GHR: variants seen among roughly 807,000 people sequenced by gnomAD.
The protein encoded by GHR is growth hormone receptor.
A neutral mutation model predicts 67.1 loss-of-function variants in GHR; 35 were observed. The ratio of observed to expected loss-of-function variants is 0.52; its 90% CI spans 0.40 to 0.69. The LOEUF is 0.69. GHR is among the 30% of genes least tolerant of loss of function. The pLI is 0.00. For synonymous variants in GHR, 272 were observed against 269.1 expected, an observed-to-expected ratio of 1.01 and a Z score of -0.10; for missense variants, 792 against 764.6, an observed-to-expected ratio of 1.04 and a Z score of -0.42.
intron 3 of GHR, among the ~76,000 whole-genome samples, chr5:42,659,911 T>A (rs1323138960): frequency 6.6e-6 from 1 of 152,100 alleles, no homozygotes; most frequent in African/African-American, 2.4e-5. Flanking sequence ...ACCCTAATAC[T>A]GCGCTTTTCT....
chr5:42,576,530 G>A (rs922406911), intron 2 of GHR, among the ~76,000 whole-genome samples: 12 of 152,112 alleles, frequency 7.9e-5, no homozygotes, highest in African/African-American at 2.9e-4. Flanking sequence ...CAAGCCCTGA[G>A]GGCTGAATAA....
chr5:42,429,976 T>C (rs150823652), intron 1 of GHR, among the ~76,000 whole-genome samples: 40 of 152,334 alleles, frequency 2.6e-4, no homozygotes, highest in African/African-American at 9.1e-4. Flanking sequence ...AGATACTTCC[T>C]TGGGCAACTG....
intron 1 of GHR, among the ~76,000 whole-genome samples, chr5:42,453,039 T>C (rs1021846905): frequency 6.7e-6 from 1 of 149,780 alleles, no homozygotes; most frequent in Non-Finnish European, 1.5e-5. Flanking sequence ...TAAAATTGTT[T>C]TTGTGGACTG....
chr5:42,508,249 T>C (rs1746860628), intron 1 of GHR, among the ~76,000 whole-genome samples: 1 of 152,108 alleles, frequency 6.6e-6, no homozygotes, highest in Admixed American at 6.5e-5. Flanking sequence ...GTCTGATAGC[T>C]CACCAAAGGG....
intron 1 of GHR, chr5:42,513,992 A>G (rs981712282): frequency 2.7e-6 from 1 of 367,016 alleles, no homozygotes; most frequent in South Asian, 1.1e-4. Context: ...TTCTATCCTG[A>G]AGGTCTTTGA....
At chr5:42,506,885 T>C (rs952195739) in intron 1 of GHR, among the ~76,000 whole-genome samples, 7 of 152,202 alleles carry the variant, frequency 4.6e-5, no homozygotes, top group Non-Finnish European at 7.4e-5. Flanking sequence ...CAGTTGATTA[T>C]TAAGCAAATT....
At chr5:42,599,843 G>C (rs1185474669) in intron 2 of GHR, among the ~76,000 whole-genome samples, 6 of 152,278 alleles carry the variant, frequency 3.9e-5, no homozygotes, top group Middle Eastern at 3.4e-3. Context: ...TTAAGTAGCT[G>C]CTGCCCCTTT....
chr5:42,610,211 G>A (rs1228564430), intron 2 of GHR, among the ~76,000 whole-genome samples: 1 of 152,172 alleles, frequency 6.6e-6, no homozygotes, highest in Non-Finnish European at 1.5e-5. Flanking sequence ...TGGATGCCAA[G>A]ACTAGCTGTG....
At chr5:42,670,997 C>G (rs1188247998) in intron 3 of GHR, among the ~76,000 whole-genome samples, 1 of 151,862 alleles carries the variant, frequency 6.6e-6, no homozygotes, top group Non-Finnish European at 1.5e-5. Flanking sequence ...AGGCCAACAT[C>G]TCTGATGAAC....
intron 1 of GHR, among the ~76,000 whole-genome samples, chr5:42,473,162 T>A (rs998848172): frequency 2.0e-5 from 3 of 152,202 alleles, no homozygotes; most frequent in African/African-American, 7.2e-5. Flanking sequence ...ACTGGGTGAA[T>A]TCATGGCAGT....
rs539494671 is a variant in GHR, at chr5:42,626,444, T to G, written c.71-2594T>G. Among the ~76,000 whole-genome samples the G allele has an allele frequency of 2.0e-4, 31 of 152,352 alleles. No homozygotes were observed. The East Asian group carries it at 3.9e-3, about 19-fold the overall frequency. On this transcript the variant is annotated intron_variant, in intron 2 of 9. Coordinates refer to ENST00000230882, the MANE Select transcript of GHR (RefSeq NM_000163.5). Reference sequence around the variant, plus strand: ...ATGAAGAGATGGATAGGGTAAGGTATGTGGGTTGGAGTTGCAGAGTTTCCA... The same window carrying G: ...ATGAAGAGATGGATAGGGTAAGGTAGGTGGGTTGGAGTTGCAGAGTTTCCA...
intron 3 of GHR, among the ~76,000 whole-genome samples, chr5:42,661,343 G>C (rs1242890073): frequency 1.3e-5 from 2 of 152,158 alleles, no homozygotes; most frequent in African/African-American, 4.8e-5. Flanking sequence ...AATGTTCAGG[G>C]CAGCCAGAGA....
intron 2 of GHR, among the ~76,000 whole-genome samples, chr5:42,618,509 A>G (rs933974962): frequency 1.2e-4 from 19 of 152,166 alleles, no homozygotes; most frequent in African/African-American, 3.9e-4. Context: ...GTTGGAAAAA[A>G]TAAAATGAGG....
chr5:42,666,721 C>T (rs1453430115), intron 3 of GHR, among the ~76,000 whole-genome samples: 7 of 152,152 alleles, frequency 4.6e-5, no homozygotes, highest in South Asian at 4.1e-4. Flanking sequence ...TCAACAGCAT[C>T]TGTGAACTTA....
rs1401912001 is a variant in GHR at position 42,531,310 on chromosome 5, ATTCTGT to A, written c.-11-34549_-11-34544del. On this transcript the variant is annotated intron_variant, in intron 1 of 9. Transcript: ENST00000230882. ...GTAAAATAAGTTTTTAAAGTCACTG[ATTCTGT>A]TTCTAAGGAATTCTCAGCTGGGGCT... 6.6e-5 allele frequency among the ~76,000 whole-genome samples: 10 copies of A among 152,108 alleles called. No homozygotes were observed. In the South Asian group the frequency reaches 1.5e-3, roughly 22 times the overall value.
chr5:42,718,072 C>A lies in GHR; in HGVS notation c.896C>A (p.Pro299His). ...TCAAGGATTAAAATGCTGATTCTGC[C>A]CCCAGTTCCAGTTCCAAAGATTAAA... ...KQQRIKMLIL[P>H]PVPVPKIKGI... Residue 299 changes from proline to histidine, a missense_variant, in exon 9 of 10, where the codon CCC (proline) becomes CAC (histidine). Transcript: ENST00000230882. 1 of 1,587,936 alleles carries A rather than the reference C, an allele frequency of 6.3e-7. No homozygotes were observed. The highest frequency in any genetic ancestry group is 8.6e-7 in the Non-Finnish European group (1 of 1,156,822).
intron 1 of GHR, among the ~76,000 whole-genome samples, chr5:42,477,565 G>T (rs1191211216): frequency 6.6e-6 from 1 of 152,138 alleles, no homozygotes; most frequent in Non-Finnish European, 1.5e-5. Context: ...ACTTTTTAAT[G>T]ATCGCCATTC....
chr5:42,480,082 T>G (rs1317178708), intron 1 of GHR, among the ~76,000 whole-genome samples: 1 of 152,230 alleles, frequency 6.6e-6, no homozygotes, highest in East Asian at 1.9e-4. Context: ...TTCTGGTATG[T>G]TGTGTCTTTG....
At chr5:42,660,708 C>A (rs533702865) in intron 3 of GHR, among the ~76,000 whole-genome samples, 7 of 152,328 alleles carry the variant, frequency 4.6e-5, no homozygotes, top group Non-Finnish European at 1.0e-4. Flanking sequence ...GAGCACCTCT[C>A]CTCCTCCAAA....
Sources: gnomAD v4.1 joint callset for allele counts (sites outside exome capture counted in the v4.1 genomes callset) on GRCh38, gnomAD v4.1.1 for gene constraint, MANE v1.5 for transcripts, NCBI Gene and HGNC (gene_info 2026-07-23, HGNC 2026-07-21) for gene names.